Variants in NXPE4 observed in about 807,000 individuals in gnomAD.
The protein encoded by NXPE4 is NXPE family member 4.
NXPE4 carries 42 observed loss-of-function variants against 33.3 expected under a neutral mutation model. That is an observed-to-expected ratio of 1.26 (90% confidence interval 0.98 to 1.63). The LOEUF (loss-of-function observed/expected upper bound fraction) is 1.63, where lower values mean the gene tolerates loss of function less well. Among genes scored for constraint, NXPE4 ranks in the 40% most tolerant of loss-of-function variants. NXPE4 has a pLI of 0.00. For synonymous variants in NXPE4, 253 were observed against 234.9 expected, an observed-to-expected ratio of 1.08 and a Z score of -0.71; for missense variants, 709 against 647.6, an observed-to-expected ratio of 1.09 and a Z score of -1.03.
chr11:114,664,526 C>A, the NXPE4 span, among the ~76,000 whole-genome samples: 1 of 152,176 alleles, frequency 6.6e-6, no homozygotes, highest in Admixed American at 6.5e-5. Context: ...GACAGAGTGT[C>A]ATTTCCCACA....
At chr11:114,583,537 C>T (rs1295156413) in intron 2 of NXPE4, 20 of 605,980 alleles carry the variant, frequency 3.3e-5, no homozygotes, top group African/African-American at 9.2e-5. Context: ...AGAGATTCAA[C>T]GTTAGTGAGG....
At chr11:114,634,932 A>C in the NXPE4 span, among the ~76,000 whole-genome samples, 3 of 151,736 alleles carry the variant, frequency 2.0e-5, no homozygotes, top group Non-Finnish European at 4.4e-5. Context: ...GCTTAGGATG[A>C]ACTTGGTGAT....
At position 114,577,441 on chromosome 11, in the gene NXPE4, G is replaced by A. The variant is rs546175318; in HGVS notation, c.1099+2691C>T. 5.3e-5 allele frequency among the ~76,000 whole-genome samples: 8 copies of A among 152,120 alleles called. No homozygotes were observed. The South Asian group carries it at 1.7e-3, about 32-fold the overall frequency. On this transcript the variant is annotated intron_variant, in intron 5 of 5. Coordinates refer to ENST00000375478, the MANE Select transcript of NXPE4 (RefSeq NM_001077639.2). The stretch of plus-strand genomic sequence containing the variant: ...CGAGGGATAAAAGACTATACATTGG[G>A]CACAGTGTACACTGCTCGGGCGATG...
At chr11:114,650,077 A>C in the NXPE4 span, among the ~76,000 whole-genome samples, 1 of 152,338 alleles carries the variant, frequency 6.6e-6, no homozygotes, top group East Asian at 1.9e-4. Context: ...ACAATGAGAA[A>C]AAAAATCCAG....
chr11:114,595,971 T>A (rs1316986657), upstream of NXPE4, among the ~76,000 whole-genome samples: 1 of 152,158 alleles, frequency 6.6e-6, no homozygotes, highest in Non-Finnish European at 1.5e-5. Flanking sequence ...GAGTGTTTGA[T>A]AAATAATTGT....
the NXPE4 span, among the ~76,000 whole-genome samples, chr11:114,643,453 C>T: frequency 6.6e-6 from 1 of 151,960 alleles, no homozygotes; most frequent in Non-Finnish European, 1.5e-5. Context: ...AGGAAGGGGT[C>T]CAGTTTCAGT....
intron 1 of NXPE4, 53 bp from the exon 2 acceptor site, chr11:114,594,822 G>A (rs1665191991): frequency 1.1e-5 from 10 of 928,900 alleles, no homozygotes; most frequent in Non-Finnish European, 1.5e-5. Context: ...AAACAGAAAA[G>A]CAAACAAACA....
chr11:114,580,410 T>C, intron 4 of NXPE4, 72 bp from the exon 5 acceptor site: 1 of 1,271,060 alleles, frequency 7.9e-7, no homozygotes, highest in South Asian at 1.2e-5. Flanking sequence ...AAGAGCCTTC[T>C]ATCCTCTAAG....
rs762842355 is a variant in NXPE4 at position 114,582,662 on chromosome 11, T to C, written c.456A>G (p.Ser152=). ...MSSPALMAGA[S]GKVTDFNNGT... is the part of the protein sequence containing the mutation. ...CGTTGTTGAAGTCAGTCACCTTTCC[T>C]GAAGCACCTGCCATCAGCGCTGGGG... The change falls in exon 3 of 6, where the codon TCA becomes TCG. Residue 152 remains serine (S), a synonymous_variant. Transcript: ENST00000375478. 5.6e-6 allele frequency: 9 copies of C among 1,614,130 alleles called. 1 individual carries two copies. In the South Asian group the frequency reaches 9.9e-5, roughly 18 times the overall value.
At chr11:114,581,511 G>A (rs1195265604) in intron 4 of NXPE4, among the ~76,000 whole-genome samples, 2 of 152,336 alleles carry the variant, frequency 1.3e-5, no homozygotes, top group East Asian at 3.9e-4. Context: ...CAAATAGACT[G>A]ATGATGAGAG....
chr11:114,582,092 A>G (rs1181810667), intron 3 of NXPE4, among the ~76,000 whole-genome samples, 196 bp downstream of exon 3: 1 of 152,150 alleles, frequency 6.6e-6, no homozygotes, highest in Non-Finnish European at 1.5e-5. Context: ...TCCCATTGAT[A>G]AGAATTAAAT....
At chr11:114,610,678 C>T in the NXPE4 span, among the ~76,000 whole-genome samples, 9 of 152,056 alleles carry the variant, frequency 5.9e-5, no homozygotes, top group East Asian at 5.8e-4. Context: ...CATGTTGCCT[C>T]GTGGTTAACC....
In NXPE4 at chr11:114,580,275, T is replaced by G. The variant is rs768766491; in HGVS notation, c.956A>C (p.His319Pro). ...AGGATTCCATGTGTTTCTCCAGACATGCCCACTGGGGATTGTGGATGTCAT... is the reference window on the plus strand; with the variant it reads ...AGGATTCCATGTGTTTCTCCAGACAGGCCCACTGGGGATTGTGGATGTCAT... The part of the protein sequence containing the change: ...FGMTSTIPSG[H>P]VWRNTWNPVS... Residue 319 changes from histidine (H) to proline (P), a missense_variant, in exon 5 of 6, where the codon CAT becomes CCT. His to Pro is a moderately conservative substitution (Grantham distance 77). Transcript: ENST00000375478. 6 of 1,613,976 alleles carry G rather than the reference T, an allele frequency of 3.7e-6. No individual in the cohort carries two copies. The highest frequency in any genetic ancestry group is 2.2e-5 in the East Asian group (1 of 44,882).
the NXPE4 span, among the ~76,000 whole-genome samples, chr11:114,638,399 C>G: frequency 5.9e-5 from 9 of 151,892 alleles, no homozygotes; most frequent in Non-Finnish European, 1.3e-4. Context: ...ACTTCTTTGC[C>G]TTCGGTTTGA....
At chr11:114,606,803 T>A in the NXPE4 span, among the ~76,000 whole-genome samples, 1 of 151,138 alleles carries the variant, frequency 6.6e-6, no homozygotes, top group Non-Finnish European at 1.5e-5. Context: ...GTATTGCTTG[T>A]AGGGTAACCA....
chr11:114,609,828 G>A, the NXPE4 span, among the ~76,000 whole-genome samples: 2 of 147,150 alleles, frequency 1.4e-5, no homozygotes, highest in Non-Finnish European at 3.0e-5. Flanking sequence ...GGATTACCAT[G>A]GTAACCCGAT....
At chr11:114,659,799 C>A in the NXPE4 span, among the ~76,000 whole-genome samples, 1 of 151,732 alleles carries the variant, frequency 6.6e-6, no homozygotes, top group Non-Finnish European at 1.5e-5. Context: ...CCAAAGTAAG[C>A]AGAGGAAAAC....
At chr11:114,583,281 A>G in intron 2 of NXPE4, 1 of 647,460 alleles carries the variant, frequency 1.5e-6, no homozygotes, top group Admixed American at 2.3e-5. Flanking sequence ...ACCAGGAGGA[A>G]AGTCTGTTAC....
rs987281065 is a variant in NXPE4, at chr11:114,586,997, G to A, written c.97-3976C>T. Among the ~76,000 whole-genome samples the A allele has an allele frequency of 1.3e-5, 2 of 152,006 alleles. 1 individual carries two copies. Among genetic ancestry groups the A allele is most frequent in the Admixed American group, 1.3e-4 (2 of 15,258 alleles). On this transcript the variant is annotated intron_variant, in intron 2 of 5. Transcript: ENST00000375478. ...GTGAACATCTCTCTCTTTACCCTTG[G>A]TCTGGAGAGCACATGGTATTTCAAG...
Sources: gnomAD v4.1 joint callset for allele counts (sites outside exome capture counted in the v4.1 genomes callset) on GRCh38, gnomAD v4.1.1 for gene constraint, MANE v1.5 for transcripts, NCBI Gene and HGNC (gene_info 2026-07-23, HGNC 2026-07-21) for gene names.